The following DAP variants were observed in gnomAD, a reference collection of about 807,000 sequenced individuals.
The protein encoded by DAP is death-associated protein 1.
A neutral mutation model predicts 13.8 loss-of-function variants in DAP; 8 were observed. That is an observed-to-expected ratio of 0.58 (90% CI 0.34 to 1.05). DAP has a LOEUF of 1.05. Among genes scored for constraint, DAP ranks in the 50% least tolerant of loss-of-function variants. DAP has a pLI of 0.03. For missense variants in DAP, 106 were observed against 133.2 expected, an observed-to-expected ratio of 0.80 and a Z score of 1.01; for synonymous variants, 47 against 47.5, an observed-to-expected ratio of 0.99 and a Z score of 0.04.
At chr5:10,706,881 G>A (rs1390011844) in intron 2 of DAP, among the ~76,000 whole-genome samples, 5 of 152,228 alleles carry the variant, frequency 3.3e-5, no homozygotes, top group Middle Eastern at 6.8e-3. Context: ...CGATGCACAC[G>A]GCATGCTTCA....
At chr5:10,690,332 G>A (rs1738276491) in intron 2 of DAP, among the ~76,000 whole-genome samples, 1 of 152,126 alleles carries the variant, frequency 6.6e-6, no homozygotes, top group African/African-American at 2.4e-5. Context: ...AAAAAATTAT[G>A]TACCATTTTA....
intron 2 of DAP, among the ~76,000 whole-genome samples, chr5:10,727,245 A>G (rs1039871490): frequency 1.3e-5 from 2 of 152,244 alleles, no homozygotes; most frequent in African/African-American, 4.8e-5. Context: ...AGCAGGCAAC[A>G]GTACCTGGCC....
chr5:10,736,840 T>C (rs571434456), intron 2 of DAP, among the ~76,000 whole-genome samples: 2 of 152,340 alleles, frequency 1.3e-5, no homozygotes, highest in South Asian at 4.1e-4. Flanking sequence ...TGTACCTTCC[T>C]TACAGCTTCT....
intron 1 of DAP, among the ~76,000 whole-genome samples, chr5:10,756,648 CAG>C (rs544140123): frequency 1.2e-3 from 181 of 152,300 alleles, no homozygotes; most frequent in African/African-American, 3.9e-3. Context: ...TATCATGTAG[CAG>C]ATTTATGAGA....
chr5:10,759,006 G>A lies in DAP; in HGVS notation c.55+2008C>T, dbSNP rs142303238. On this transcript the variant is annotated intron_variant, in intron 1 of 3. Transcript: ENST00000230895. ...GTTCAAGACCAGCCTGGCCAACATG[G>A]CAAAATCCGGTCTCTACTAAAAATA... Among the ~76,000 whole-genome samples the A allele has an allele frequency of 4.9e-3, 751 of 152,250 alleles. 5 individuals are homozygous for A. Among genetic ancestry groups the A allele is most frequent in the African/African-American group, 0.017 (707 of 41,530 alleles).
intron 2 of DAP, among the ~76,000 whole-genome samples, chr5:10,692,218 T>C (rs1278154845): frequency 2.2e-5 from 3 of 134,938 alleles, no homozygotes; most frequent in African/African-American, 6.1e-5. Flanking sequence ...GTAACTCATA[T>C]AAAAATTGAG....
chr5:10,732,818 C>T (rs541426621), intron 2 of DAP, among the ~76,000 whole-genome samples: 9 of 152,310 alleles, frequency 5.9e-5, no homozygotes, highest in Admixed American at 2.0e-4. Flanking sequence ...ACACTTATCA[C>T]AAAACTTACC....
At chr5:10,698,705 T>A (rs932504403) in intron 2 of DAP, among the ~76,000 whole-genome samples, 4 of 151,974 alleles carry the variant, frequency 2.6e-5, no homozygotes, top group African/African-American at 9.7e-5. Context: ...ATACTATACA[T>A]ATATATGTAG....
chr5:10,722,619 T>C (rs948577775), intron 2 of DAP, among the ~76,000 whole-genome samples: 4 of 149,246 alleles, frequency 2.7e-5, no homozygotes, highest in African/African-American at 4.9e-5. Flanking sequence ...TATACACATA[T>C]ATACACACAT....
intron 1 of DAP, 22 bp downstream of exon 1, chr5:10,760,992 G>C (rs1035410156): frequency 4.1e-6 from 5 of 1,225,708 alleles, no homozygotes; most frequent in Non-Finnish European, 5.1e-6. Context: ...CGCGCGTGGA[G>C]AGAGAGGAAA....
intron 2 of DAP, among the ~76,000 whole-genome samples, chr5:10,702,379 G>C (rs1320419508): frequency 1.5e-5 from 2 of 133,784 alleles, no homozygotes; most frequent in East Asian, 3.8e-4. Flanking sequence ...TTGCAAAAGA[G>C]GCAAAAGAGC....
At chr5:10,756,070 C>T (rs1179501104) in intron 1 of DAP, among the ~76,000 whole-genome samples, 1 of 143,118 alleles carries the variant, frequency 7.0e-6, no homozygotes, top group Non-Finnish European at 1.5e-5. Flanking sequence ...ATCTCTTGAG[C>T]CCAGGAGGCC....
chr5:10,681,648 C>A (rs1464438169), intron 3 of DAP, among the ~76,000 whole-genome samples: 1 of 149,828 alleles, frequency 6.7e-6, no homozygotes, highest in East Asian at 2.0e-4. Context: ...TGAGGAAGCC[C>A]CAGGCCAGCG....
intron 1 of DAP, among the ~76,000 whole-genome samples, chr5:10,757,949 A>T (rs185830781): frequency 4.6e-5 from 7 of 152,348 alleles, no homozygotes; most frequent in African/African-American, 1.7e-4. Flanking sequence ...AGGTTAGTGC[A>T]CGAAGGAAAA....
At position 10,707,506 on chromosome 5, in the gene DAP, T is replaced by C. The variant is rs779501955; in HGVS notation, c.153-23935A>G. 5.8e-4 allele frequency among the ~76,000 whole-genome samples: 88 copies of C among 151,134 alleles called. No individual in the cohort carries two copies. The highest frequency in any genetic ancestry group is 1.2e-3 in the Non-Finnish European group (80 of 67,838). On this transcript the variant is annotated intron_variant, in intron 2 of 3. Coordinates refer to ENST00000230895, the MANE Select transcript of DAP (RefSeq NM_004394.3). This position sits in a 1 kb window ranked among gnomAD's most constrained non-coding sequence, Gnocchi z 4.0. ...CATAAACTATGTGGTGCACAGGCAG[T>C]GTGATGCATAGGTGGTGTGATGCAT...
chr5:10,743,166 C>A (rs1395039373), intron 2 of DAP, among the ~76,000 whole-genome samples: 4 of 152,228 alleles, frequency 2.6e-5, no homozygotes, highest in Non-Finnish European at 4.4e-5. Flanking sequence ...AACTGAAGTA[C>A]ACCATTTATG....
chr5:10,742,125 C>T (rs1739772322), intron 2 of DAP, among the ~76,000 whole-genome samples: 2 of 147,732 alleles, frequency 1.4e-5, no homozygotes, highest in African/African-American at 5.1e-5. Flanking sequence ...CTTTCTTATA[C>T]ATTAAGTAAC....
chr5:10,709,868 G>T (rs1302264965), intron 2 of DAP, among the ~76,000 whole-genome samples: 1 of 152,192 alleles, frequency 6.6e-6, no homozygotes, highest in Non-Finnish European at 1.5e-5. Flanking sequence ...ATTCTTTAGG[G>T]CAATGATGTC....
intron 2 of DAP, among the ~76,000 whole-genome samples, chr5:10,695,306 G>A (rs1192158457): frequency 6.6e-6 from 1 of 152,210 alleles, no homozygotes; most frequent in Non-Finnish European, 1.5e-5. Flanking sequence ...ATGGAAGCCG[G>A]CCAGGCACTG....
Sources: allele counts gnomAD v4.1 joint callset (sites outside exome capture counted in the v4.1 genomes callset), GRCh38; gene constraint gnomAD v4.1.1; non-coding constraint Gnocchi (gnomAD v3.1); transcripts MANE v1.5; gene names NCBI Gene and HGNC (gene_info 2026-07-23, HGNC 2026-07-21).